Variants in PGF observed in about 807,000 individuals in gnomAD.
The protein encoded by PGF is placenta growth factor.
A neutral mutation model predicts 25.3 loss-of-function variants in PGF; 11 were observed. That is an observed-to-expected ratio of 0.43 (90% CI 0.27 to 0.72). The LOEUF is 0.72. Among genes scored for constraint, PGF ranks in the 30% least tolerant of loss-of-function variants. PGF has a pLI of 0.18. For synonymous variants in PGF, 105 were observed against 97.9 expected, an observed-to-expected ratio of 1.07 and a Z score of -0.43; for missense variants, 230 against 234.9, an observed-to-expected ratio of 0.98 and a Z score of 0.14.
rs925963287 is a variant in PGF, at chr14:74,941,867, T to C, written c.*839A>G. ...CTAGAATACTTTATTCAAGAGAATC[T>C]GGCTTGGCAGTCAGATGGCCCTGCA... On this transcript the variant is annotated 3_prime_UTR_variant, in exon 7 of 7. Transcript: ENST00000555567. 5 of 152,600 alleles carry C rather than the reference T, an allele frequency of 3.3e-5. No homozygotes were observed. Among genetic ancestry groups the C allele is most frequent in the Non-Finnish European group, 7.3e-5 (5 of 68,042 alleles). 9.5% of individuals were successfully genotyped at this position (152,600 alleles called of 1,614,324 possible).
chr14:74,946,109 G>T, intron 6 of PGF, 104 bp downstream of exon 6: 1 of 960,874 alleles, frequency 1.0e-6, no homozygotes, highest in Non-Finnish European at 1.6e-6. Flanking sequence ...CCCCAAGACT[G>T]GCCTCAGTCC....
chr14:74,951,898 G>A (rs543812228), intron 2 of PGF, among the ~76,000 whole-genome samples: 4 of 152,256 alleles, frequency 2.6e-5, no homozygotes, highest in South Asian at 4.2e-4. Context: ...GTGAGGGGCC[G>A]GGCTGAGGGA....
intron 3 of PGF, 115 bp downstream of exon 3, chr14:74,949,242 G>C: frequency 1.2e-6 from 1 of 832,034 alleles, no homozygotes; most frequent in Non-Finnish European, 1.8e-6. Context: ...GGGGTGGTAG[G>C]AGCACTGGCC....
chr14:74,942,727 G>C lies in PGF; in HGVS notation c.492C>G (p.Gly164=), dbSNP rs776268610. The change falls in exon 7 of 7, where the codon GGC becomes GGG. Residue 164 remains glycine (G), a synonymous_variant. Coordinates refer to ENST00000555567, the MANE Select transcript of PGF (RefSeq NM_002632.6). The part of the protein sequence containing the change: ...KQRPTDCHLC[G]DAVPRR ...TGGGTTACCTCCGGGGAACAGCATC[G>C]CCGCACCTGCCAGAGACCAAGCACA... 7.5e-6 allele frequency: 12 copies of C among 1,610,426 alleles called. No homozygotes were observed. In the Admixed American group the frequency reaches 1.9e-4, roughly 25 times the overall value.
In PGF at chr14:74,950,095, C is replaced by A. The variant is rs1362378816; in HGVS notation, c.119-542G>T. On this transcript the variant is annotated intron_variant, in intron 2 of 6. Coordinates refer to ENST00000555567, the MANE Select transcript of PGF (RefSeq NM_002632.6). The surrounding 1 kb of genome is among the most constrained non-coding windows in gnomAD (Gnocchi z 4.1). ...CCTCCTCTCCACTGAGTCCAACCAGCGCTCACACTGAGCCACGGCAGCACC... is the reference window on the plus strand; with the variant it reads ...CCTCCTCTCCACTGAGTCCAACCAGAGCTCACACTGAGCCACGGCAGCACC... 1.3e-5 allele frequency among the ~76,000 whole-genome samples: 2 copies of A among 152,174 alleles called. No individual in the cohort carries two copies. The highest frequency in any genetic ancestry group is 2.4e-5 in the African/African-American group (1 of 41,446).
Position 74,948,572 on chromosome 14 carries a change from G to T in PGF, c.327C>A (p.Ile109=), listed in dbSNP as rs976601159. 1.2e-6 allele frequency: 2 copies of T among 1,601,552 alleles called. No individual in the cohort carries two copies. The highest frequency in any genetic ancestry group is 1.7e-6 in the Non-Finnish European group (2 of 1,170,510). ...CGTAGGAGGGCCGGTCCCCAGAACG[G>T]ATCTTTAGGAGCTGAAGGAAGAAAG... ...TANVTMQLLK[I]RSGDRPSYVE... Residue 109 remains isoleucine (I), a synonymous_variant, in exon 4 of 7, where the codon ATC becomes ATA. Coordinates refer to ENST00000555567, the MANE Select transcript of PGF (RefSeq NM_002632.6).
chr14:74,953,117 G>A lies in PGF; in HGVS notation c.118+787C>T, dbSNP rs1467761335. 1.3e-5 allele frequency among the ~76,000 whole-genome samples: 2 copies of A among 152,206 alleles called. No homozygotes were observed. Among genetic ancestry groups the A allele is most frequent in the African/African-American group, 4.8e-5 (2 of 41,456 alleles). ...TAGGTGTCAGAGTATGGCCAGGCCC[G>A]GGAGAGGCGGGCTGCCAGGCAGGCA... On this transcript the variant is annotated intron_variant, in intron 2 of 6. Transcript: ENST00000555567. The surrounding 1 kb of genome is among the most constrained non-coding windows in gnomAD (Gnocchi z 5.4).
chr14:74,944,196 G>A (rs1043404988), intron 6 of PGF, among the ~76,000 whole-genome samples: 4 of 148,546 alleles, frequency 2.7e-5, no homozygotes, highest in South Asian at 2.1e-4. Flanking sequence ...TCCGCCTCCC[G>A]GGTTCATGCC....
intron 2 of PGF, among the ~76,000 whole-genome samples, chr14:74,952,017 AG>A (rs1193672547): frequency 6.6e-6 from 1 of 151,838 alleles, no homozygotes; most frequent in Non-Finnish European, 1.5e-5. Flanking sequence ...GAGGGGGTGG[AG>A]GTGAGAGCAA....
intron 2 of PGF, among the ~76,000 whole-genome samples, chr14:74,952,799 A>G (rs1003063411): frequency 1.3e-5 from 2 of 152,248 alleles, no homozygotes; most frequent in Non-Finnish European, 2.9e-5. Flanking sequence ...CCCTGGAGTC[A>G]GAGGACAAGT....
At chr14:74,952,351 A>G (rs755192967) in intron 2 of PGF, among the ~76,000 whole-genome samples, 7 of 152,214 alleles carry the variant, frequency 4.6e-5, no homozygotes, top group Non-Finnish European at 8.8e-5. Flanking sequence ...CACCCTGCTC[A>G]TGCCCGCTCA....
chr14:74,953,166 A>C lies in PGF; in HGVS notation c.118+738T>G, dbSNP rs1296978669. On this transcript the variant is annotated intron_variant, in intron 2 of 6. Transcript: ENST00000555567. The surrounding 1 kb of genome is among the most constrained non-coding windows in gnomAD (Gnocchi z 5.4). ...CAGCCCAGCAGAGGGTGTTCCCAGC[A>C]CGCAGATGGCTATCACGCGTGTGCG... Among the ~76,000 whole-genome samples, 1 of 152,214 alleles carries C rather than the reference A, an allele frequency of 6.6e-6. No homozygotes were observed. The highest frequency in any genetic ancestry group is 1.5e-5 in the Non-Finnish European group (1 of 68,034).
At chr14:74,949,581 G>T (rs1415526951) in intron 2 of PGF, 28 bp from the exon 3 acceptor site, 32 of 1,499,142 alleles carry the variant, frequency 2.1e-5, no homozygotes, top group Non-Finnish European at 2.8e-5. Flanking sequence ...GGCTGGGTCA[G>T]GCCAGCAGAG....
Position 74,950,791 on chromosome 14 carries a change from G to A in PGF, c.119-1238C>T, listed in dbSNP as rs973023066. On this transcript the variant is annotated intron_variant, in intron 2 of 6. Coordinates refer to ENST00000555567, the MANE Select transcript of PGF (RefSeq NM_002632.6). The surrounding 1 kb of genome is among the most constrained non-coding windows in gnomAD (Gnocchi z 4.1). ...GAATCAGTGCCTGCAACCCAGCCCAGCCCAGAGACCATGGACAGAGAAACA... is the reference window on the plus strand; with the variant it reads ...GAATCAGTGCCTGCAACCCAGCCCAACCCAGAGACCATGGACAGAGAAACA... Among the ~76,000 whole-genome samples the A allele has an allele frequency of 1.3e-5, 2 of 152,194 alleles. No individual in the cohort carries two copies. The highest frequency in any genetic ancestry group is 3.2e-3 in the Middle Eastern group (1 of 316).
chr14:74,953,333 T>A lies in PGF; in HGVS notation c.118+571A>T, dbSNP rs372958834. On this transcript the variant is annotated intron_variant, in intron 2 of 6. Coordinates refer to ENST00000555567, the MANE Select transcript of PGF (RefSeq NM_002632.6). This position sits in a 1 kb window ranked among gnomAD's most constrained non-coding sequence, Gnocchi z 5.4. ...GCATGGGCCTCCTGCCTTCTGTACA[T>A]ATGTCTCTTTGGCAAACGTCTCGTT... Among the ~76,000 whole-genome samples, 13 of 152,284 alleles carry A rather than the reference T, an allele frequency of 8.5e-5. No individual in the cohort carries two copies. The East Asian group carries it at 2.5e-3, about 29-fold the overall frequency.
chr14:74,953,191 G>T lies in PGF; in HGVS notation c.118+713C>A, dbSNP rs1343935807. On this transcript the variant is annotated intron_variant, in intron 2 of 6. Transcript: ENST00000555567. This position sits in a 1 kb window ranked among gnomAD's most constrained non-coding sequence, Gnocchi z 5.4. ...ACGCAGATGGCTATCACGCGTGTGCGTGTGCATGTCCCTACATGCCCACTC... is the reference window on the plus strand; with the variant it reads ...ACGCAGATGGCTATCACGCGTGTGCTTGTGCATGTCCCTACATGCCCACTC... 6.6e-6 allele frequency among the ~76,000 whole-genome samples: 1 copy of T among 152,238 alleles called. No homozygotes were observed. The highest frequency in any genetic ancestry group is 2.1e-4 in the South Asian group (1 of 4,834).
chr14:74,945,429 T>G (rs1888709539), intron 6 of PGF: 1 of 152,180 alleles, frequency 6.6e-6, no homozygotes, highest in South Asian at 2.1e-4. Flanking sequence ...GTCCCCAGGA[T>G]CCCTGTCTTC....
Position 74,949,540 on chromosome 14 carries a change from C to T in PGF, c.132G>A (p.Gln44=), listed in dbSNP as rs766437037. The T allele has an allele frequency of 1.9e-6, 3 of 1,579,384 alleles. No homozygotes were observed. In the South Asian group the frequency reaches 3.5e-5, roughly 19 times the overall value. The change falls in exon 3 of 7, where the codon CAG becomes CAA. Residue 44 remains glutamine (Q), a synonymous_variant. Coordinates refer to ENST00000555567, the MANE Select transcript of PGF (RefSeq NM_002632.6). ...GSSEVEVVPF[Q]EVWGRSYCRA... ...GGCAGTAGCTGCGGCCCCACACTTC[C>T]TGGAAGGGTACCACTGCGAGGAAGC...
chr14:74,942,733 C>T lies in PGF; in HGVS notation c.486G>A (p.Leu162=). 1 of 1,610,362 alleles carries T rather than the reference C, an allele frequency of 6.2e-7. No homozygotes were observed. Among genetic ancestry groups the T allele is most frequent in the South Asian group, 1.1e-5 (1 of 90,848 alleles). The change falls in exon 7 of 7, where the codon CTG becomes CTA. Residue 162 remains leucine (L), a splice_region_variant and synonymous_variant. Coordinates refer to ENST00000555567, the MANE Select transcript of PGF (RefSeq NM_002632.6). ...ACCTCCGGGGAACAGCATCGCCGCA[C>T]CTGCCAGAGACCAAGCACAGACGGG... ...REKQRPTDCH[L]CGDAVPRR
Sources: gnomAD v4.1 joint callset for allele counts (sites outside exome capture counted in the v4.1 genomes callset) on GRCh38, gnomAD v4.1.1 for gene constraint, Gnocchi (gnomAD v3.1) non-coding constraint, MANE v1.5 for transcripts, NCBI Gene and HGNC (gene_info 2026-07-23, HGNC 2026-07-21) for gene names.